The following SH3RF3 variants were observed in gnomAD, a reference collection of about 807,000 sequenced individuals.
The protein encoded by SH3RF3 is SH3 domain containing ring finger 3, also known as E3 ubiquitin-protein ligase SH3RF3.
A neutral mutation model predicts 66.3 loss-of-function variants in SH3RF3; 29 were observed. The ratio of observed to expected loss-of-function variants is 0.44; its 90% confidence interval spans 0.33 to 0.60. The LOEUF (loss-of-function observed/expected upper bound fraction) is 0.60. Ranked by LOEUF, SH3RF3 falls within the 20% of genes least tolerant of loss-of-function variation. The probability of loss-of-function intolerance (pLI) is 0.04; values close to 1 mark genes in which losing one functional copy is unlikely to be tolerated. For missense variants in SH3RF3, 1,194 were observed against 1,190.9 expected (o/e 1.00, Z -0.04); for synonymous variants, 583 against 532.0 (o/e 1.10, Z -1.32).
At chr2:109,501,281 T>A (rs1389348601) in intron 9 of SH3RF3, among the ~76,000 whole-genome samples, 1 of 152,144 alleles carries the variant, frequency 6.6e-6, no homozygotes. Flanking sequence ...TAGATCAGCG[T>A]CTAAAAGGAC....
chr2:109,206,675 G>T (rs373889036), intron 1 of SH3RF3, among the ~76,000 whole-genome samples: 7 of 151,894 alleles, frequency 4.6e-5, no homozygotes, highest in African/African-American at 1.7e-4. Flanking sequence ...AATTAGCTGG[G>T]CATATTAGTG....
At position 109,300,560 on chromosome 2, in the gene SH3RF3, T is replaced by A. The variant is rs960564397; in HGVS notation, c.574-47114T>A. ...ATGCTCCAGAGATGACAGGCATCCT[T>A]TTCCATAGGGGATGGTTAGGGGTAT... is the stretch of plus-strand genomic sequence containing the variant. On this transcript the variant is annotated intron_variant, in intron 1 of 9. Transcript: ENST00000309415. 7.2e-5 allele frequency among the ~76,000 whole-genome samples: 11 copies of A among 152,154 alleles called. No individual in the cohort carries two copies. The East Asian group carries it at 1.9e-3, about 27-fold the overall frequency.
intron 1 of SH3RF3, among the ~76,000 whole-genome samples, chr2:109,171,037 G>A (rs1444062321): frequency 6.6e-6 from 1 of 152,276 alleles, no homozygotes; most frequent in Admixed American, 6.5e-5. Context: ...CTGGGGGCTG[G>A]GGGAGTCTGT....
intron 1 of SH3RF3, among the ~76,000 whole-genome samples, chr2:109,293,092 G>T (rs1274309684): frequency 6.6e-6 from 1 of 152,192 alleles, no homozygotes; most frequent in Non-Finnish European, 1.5e-5. Context: ...CAAGCAGGAA[G>T]GACTGTCTCG....
intron 8 of SH3RF3, among the ~76,000 whole-genome samples, chr2:109,476,354 C>T (rs1328781876): frequency 1.3e-5 from 2 of 152,178 alleles, no homozygotes; most frequent in Non-Finnish European, 2.9e-5. Context: ...TGTGCCTAAC[C>T]CCAAGGGGAG....
At position 109,192,173 on chromosome 2, in the gene SH3RF3, T is replaced by C. The variant is rs112910607; in HGVS notation, c.573+62060T>C. Among the ~76,000 whole-genome samples, 749 of 152,304 alleles carry C rather than the reference T, an allele frequency of 4.9e-3. 3 individuals are homozygous for C. Among genetic ancestry groups the C allele is most frequent in the African/African-American group, 0.017 (721 of 41,552 alleles). On this transcript the variant is annotated intron_variant, in intron 1 of 9. Coordinates refer to ENST00000309415, the MANE Select transcript of SH3RF3 (RefSeq NM_001099289.3). ...TTTGAGAGCGGTTCGGTTCTACATA[T>C]GGCACTAACTCGTCCACTCCACAGG...
chr2:109,401,381 G>GT (rs1441295750), intron 4 of SH3RF3, among the ~76,000 whole-genome samples: 2 of 152,242 alleles, frequency 1.3e-5, no homozygotes, highest in African/African-American at 4.8e-5. Context: ...TGGGTAGGTC[G>GT]TTTGTCTCCT....
chr2:109,419,640 C>A lies in SH3RF3; in HGVS notation c.1401C>A (p.Asn467Lys), dbSNP rs1462475062. The change falls in exon 5 of 10, where the codon AAC becomes AAA. Residue 467 changes from asparagine (N) to lysine (K), a missense_variant and splice_region_variant. By Grantham distance (94) the Asn-to-Lys change is moderately conservative. Coordinates refer to ENST00000309415, the MANE Select transcript of SH3RF3 (RefSeq NM_001099289.3). ...CTCCCAAGGTCCAGCTGCCCCTCAA[C>A]GTGTGAGCTGCCCTTTGTGTCTGTC... The part of the protein sequence containing the change: ...GTPPKVQLPL[N>K]VYLALYAYKP... 2.5e-6 allele frequency: 4 copies of A among 1,573,342 alleles called. No individual in the cohort carries two copies. The highest frequency in any genetic ancestry group is 4.7e-5 in the East Asian group (2 of 42,988).
intron 8 of SH3RF3, among the ~76,000 whole-genome samples, chr2:109,465,633 T>C (rs1357793631): frequency 6.6e-6 from 1 of 152,220 alleles, no homozygotes; most frequent in African/African-American, 2.4e-5. Flanking sequence ...CTGGGTAGTT[T>C]ATAAAGAAAA....
At chr2:109,296,693 G>A (rs1681317210) in intron 1 of SH3RF3, among the ~76,000 whole-genome samples, 2 of 152,130 alleles carry the variant, frequency 1.3e-5, no homozygotes, top group African/African-American at 4.8e-5. Context: ...CAGGTGTCAT[G>A]GGCAGCAGAG....
intron 7 of SH3RF3, among the ~76,000 whole-genome samples, chr2:109,444,470 C>G (rs1245237463): frequency 1.3e-5 from 2 of 152,194 alleles, no homozygotes; most frequent in African/African-American, 4.8e-5. Context: ...CTGTGAGAAT[C>G]AGGGGACCAG....
intron 1 of SH3RF3, among the ~76,000 whole-genome samples, chr2:109,203,883 C>T (rs185239675): frequency 8.5e-5 from 13 of 152,326 alleles, no homozygotes; most frequent in East Asian, 5.8e-4. Flanking sequence ...GTTCCCTGTG[C>T]GGCCTGGCAG....
chr2:109,271,303 T>C (rs1288943472), intron 1 of SH3RF3, among the ~76,000 whole-genome samples: 1 of 152,194 alleles, frequency 6.6e-6, no homozygotes, highest in Admixed American at 6.5e-5. Flanking sequence ...GTGTGAAATC[T>C]GTAAACATCT....
chr2:109,359,065 C>G (rs547403871), intron 2 of SH3RF3, among the ~76,000 whole-genome samples: 3 of 152,126 alleles, frequency 2.0e-5, no homozygotes, highest in Admixed American at 2.0e-4. Flanking sequence ...GTCTTTGTTC[C>G]TTTGTCAAAG....
chr2:109,299,972 C>G (rs565357625), intron 1 of SH3RF3, among the ~76,000 whole-genome samples: 8 of 152,206 alleles, frequency 5.3e-5, no homozygotes, highest in African/African-American at 1.4e-4. Context: ...GGGATTTGTT[C>G]TATTTATTTA....
chr2:109,395,747 A>G (rs1157400857), intron 3 of SH3RF3, among the ~76,000 whole-genome samples: 1 of 152,194 alleles, frequency 6.6e-6, no homozygotes, highest in Non-Finnish European at 1.5e-5. Context: ...CTGAGGGGCC[A>G]GGCACTGTGC....
chr2:109,400,401 T>TATACAC (rs1211118886), intron 4 of SH3RF3, among the ~76,000 whole-genome samples: 1 of 151,910 alleles, frequency 6.6e-6, no homozygotes. Flanking sequence ...TGCACGCACA[T>TATACAC]ATACACATAT....
At chr2:109,300,894 T>G (rs941726636) in intron 1 of SH3RF3, among the ~76,000 whole-genome samples, 5 of 152,186 alleles carry the variant, frequency 3.3e-5, no homozygotes, top group Admixed American at 3.3e-4. Flanking sequence ...CTCTGCTGCT[T>G]TGGAGGCAGC....
intron 8 of SH3RF3, among the ~76,000 whole-genome samples, chr2:109,458,675 T>C (rs1411362583): frequency 6.6e-6 from 1 of 152,030 alleles, no homozygotes; most frequent in Non-Finnish European, 1.5e-5. Flanking sequence ...CCCAGCAGGC[T>C]GGACCCTCAG....
Sources: allele counts gnomAD v4.1 joint callset (sites outside exome capture counted in the v4.1 genomes callset), GRCh38; gene constraint gnomAD v4.1.1; transcripts MANE v1.5; gene names NCBI Gene and HGNC (gene_info 2026-07-23, HGNC 2026-07-21).